Variants in PLXDC1 observed in about 807,000 individuals in gnomAD.
The protein encoded by PLXDC1 is plexin domain containing 1, also known as plexin domain-containing protein 1.
In PLXDC1, 39 loss-of-function variants were observed where a neutral mutation model predicts 61.3. The ratio of observed to expected loss-of-function variants is 0.64; its 90% CI spans 0.49 to 0.83. The LOEUF is 0.83. PLXDC1 is among the 40% of genes least tolerant of loss of function. The pLI is 0.00. For missense variants in PLXDC1, 596 were observed against 666.5 expected (o/e 0.89, Z 1.17); for synonymous variants, 212 against 254.5 (o/e 0.83, Z 1.59).
chr17:39,147,491 C>T (rs2045349831), intron 1 of PLXDC1, among the ~76,000 whole-genome samples: 1 of 152,150 alleles, frequency 6.6e-6, no homozygotes, highest in Admixed American at 6.6e-5. Context: ...TTCAGAGGGG[C>T]CAGGGAAGGC....
chr17:39,110,931 C>G (rs1327595299), intron 2 of PLXDC1, among the ~76,000 whole-genome samples: 1 of 152,180 alleles, frequency 6.6e-6, no homozygotes, highest in African/African-American at 2.4e-5. Context: ...CCAGACAGCC[C>G]ATGCCTCCAC....
chr17:39,100,545 G>A (rs931098516), intron 7 of PLXDC1, among the ~76,000 whole-genome samples: 3 of 152,316 alleles, frequency 2.0e-5, no homozygotes, highest in East Asian at 1.9e-4. Flanking sequence ...GTGAGCCACC[G>A]TGCCTGGCCG....
At chr17:39,079,588 C>T in intron 9 of PLXDC1, 1 of 456,540 alleles carries the variant, frequency 2.2e-6, no homozygotes, top group Non-Finnish European at 4.4e-6. Context: ...GTCAACACCT[C>T]CCCATGTGAT....
At chr17:39,146,275 TGGCCAG>T (rs1282679734) in intron 1 of PLXDC1, among the ~76,000 whole-genome samples, 1 of 152,146 alleles carries the variant, frequency 6.6e-6, no homozygotes, top group Non-Finnish European at 1.5e-5. Flanking sequence ...TTCACCATGT[TGGCCAG>T]GCTAGTCTTG....
chr17:39,105,598 G>A (rs1045412579), intron 7 of PLXDC1, among the ~76,000 whole-genome samples: 3 of 152,202 alleles, frequency 2.0e-5, no homozygotes, highest in Non-Finnish European at 4.4e-5. Flanking sequence ...CAGGGGCTGA[G>A]TGGAAGGGCT....
chr17:39,139,512 G>A (rs543654680), intron 2 of PLXDC1, 142 bp downstream of exon 2: 106 of 729,150 alleles, frequency 1.5e-4, no homozygotes, highest in African/African-American at 1.3e-3. Context: ...TCCCCTCCCC[G>A]GGGATTCTTC....
chr17:39,097,602 G>A (rs1022929963), intron 7 of PLXDC1, among the ~76,000 whole-genome samples: 3 of 152,012 alleles, frequency 2.0e-5, no homozygotes, highest in African/African-American at 7.3e-5. Context: ...CCACATACAG[G>A]CCTTACACGG....
intron 8 of PLXDC1, among the ~76,000 whole-genome samples, chr17:39,086,000 A>G (rs1909726314): frequency 6.6e-6 from 1 of 152,046 alleles, no homozygotes; most frequent in South Asian, 2.1e-4. Flanking sequence ...TCTCATCAAC[A>G]TTTCAGATGG....
At chr17:39,088,961 A>G (rs866539259) in intron 7 of PLXDC1, among the ~76,000 whole-genome samples, 57 of 130,190 alleles carry the variant, frequency 4.4e-4, no homozygotes, top group Non-Finnish European at 6.0e-4. Flanking sequence ...AAAAAAAAAA[A>G]AAAGAGAGAG....
chr17:39,111,434 G>A (rs558000717), intron 2 of PLXDC1, among the ~76,000 whole-genome samples: 3 of 152,294 alleles, frequency 2.0e-5, no homozygotes, highest in South Asian at 2.1e-4. Context: ...ACAGGCACAC[G>A]CCTCCACGCC....
chr17:39,137,103 T>C lies in PLXDC1; in HGVS notation c.255+2551A>G, dbSNP rs551584071. ...CCAGAGAAGGTCATGTCACTGCAAT[T>C]TCAGAATGCTGGAGTTACAGGGAGT... On this transcript the variant is annotated intron_variant, in intron 2 of 13. Coordinates refer to ENST00000315392, the MANE Select transcript of PLXDC1 (RefSeq NM_020405.5). Among the ~76,000 whole-genome samples the C allele has an allele frequency of 3.2e-4, 48 of 152,172 alleles. 1 individual carries two copies. Among genetic ancestry groups the C allele is most frequent in the Admixed American group, 9.2e-4 (14 of 15,282 alleles).
chr17:39,135,813 C>T (rs1055063106), intron 2 of PLXDC1, among the ~76,000 whole-genome samples: 1 of 152,150 alleles, frequency 6.6e-6, no homozygotes, highest in African/African-American at 2.4e-5. Context: ...ATCCATTGCC[C>T]CAGTGTTTCT....
At position 39,133,574 on chromosome 17, in the gene PLXDC1, T is replaced by C. The variant is rs377234436; in HGVS notation, c.255+6080A>G. On this transcript the variant is annotated intron_variant, in intron 2 of 13. Transcript: ENST00000315392. ...GGCACAGTCCCGGCTCTCCTGTGCT[T>C]ACATTCCAGGGGGAAGATAGGCAAC... Among the ~76,000 whole-genome samples the C allele has an allele frequency of 1.6e-4, 24 of 152,184 alleles. No homozygotes were observed. The East Asian group carries it at 2.9e-3, about 18-fold the overall frequency.
At chr17:39,114,410 C>A (rs1192719091) in intron 2 of PLXDC1, among the ~76,000 whole-genome samples, 1 of 152,226 alleles carries the variant, frequency 6.6e-6, no homozygotes, top group Non-Finnish European at 1.5e-5. Context: ...TCAGGAGTCA[C>A]TTCCTCAAGA....
At chr17:39,093,212 C>G (rs969434588) in intron 7 of PLXDC1, among the ~76,000 whole-genome samples, 9 of 152,228 alleles carry the variant, frequency 5.9e-5, no homozygotes, top group African/African-American at 1.7e-4. Flanking sequence ...CCACCTCCCC[C>G]ACCAAAGGCT....
intron 7 of PLXDC1, among the ~76,000 whole-genome samples, chr17:39,102,742 T>A (rs995847): frequency 0.59 from 83,632 of 141,286 alleles, 24,860 homozygotes; most frequent in Middle Eastern, 0.71. Flanking sequence ...ACACACACAC[T>A]CACTCACCTG....
intron 9 of PLXDC1, among the ~76,000 whole-genome samples, 173 bp downstream of exon 9, chr17:39,083,286 T>A (rs1332002101): frequency 6.6e-6 from 1 of 152,202 alleles, no homozygotes; most frequent in Non-Finnish European, 1.5e-5. Context: ...AATCCCTAAA[T>A]GGTCTTCCAG....
At chr17:39,074,665 G>A (rs1157592380) in intron 11 of PLXDC1, among the ~76,000 whole-genome samples, 1 of 152,096 alleles carries the variant, frequency 6.6e-6, no homozygotes, top group Non-Finnish European at 1.5e-5. Flanking sequence ...GGCTCCCCAC[G>A]CCACCACAGA....
At chr17:39,077,881 C>T in intron 11 of PLXDC1, 32 bp downstream of exon 11, 1 of 1,613,016 alleles carries the variant, frequency 6.2e-7, no homozygotes, top group Non-Finnish European at 8.5e-7. Flanking sequence ...TCCTGGCCTC[C>T]TCTCTGCTCC....
Sources: allele counts gnomAD v4.1 joint callset (sites outside exome capture counted in the v4.1 genomes callset), GRCh38; gene constraint gnomAD v4.1.1; transcripts MANE v1.5; gene names NCBI Gene and HGNC (gene_info 2026-07-23, HGNC 2026-07-21).